DNAJC3: variants seen among roughly 807,000 people sequenced by gnomAD.
DNAJC3 encodes the protein DnaJ heat shock protein family (Hsp40) member C3.
A neutral mutation model predicts 68.6 loss-of-function variants in DNAJC3; 38 were observed. The ratio of observed to expected loss-of-function variants is 0.55; its 90% CI spans 0.43 to 0.73. The LOEUF is 0.73. Among genes scored for constraint, DNAJC3 ranks in the 30% least tolerant of loss-of-function variants. DNAJC3 has a pLI of 0.00. For synonymous variants in DNAJC3, 203 were observed against 204.0 expected (o/e 1.00, Z 0.04); for missense variants, 526 against 591.9 (o/e 0.89, Z 1.16).
chr13:95,786,885 G>T, intron 10 of DNAJC3, 122 bp from the exon 11 acceptor site: 4 of 1,164,030 alleles, frequency 3.4e-6, no homozygotes, highest in Non-Finnish European at 3.6e-6. Flanking sequence ...TGATACCATT[G>T]GAACTATTTT....
At chr13:95,740,024 T>G (rs1217475127) in intron 4 of DNAJC3, among the ~76,000 whole-genome samples, 1 of 152,166 alleles carries the variant, frequency 6.6e-6, no homozygotes. Flanking sequence ...TAGTTTTCCT[T>G]CTAACAGAGA....
intron 1 of DNAJC3, chr13:95,695,853 C>G (rs1880424808): frequency 6.6e-6 from 1 of 152,206 alleles, no homozygotes; most frequent in Non-Finnish European, 1.5e-5. Context: ...ACACCCAAAG[C>G]TGAAGTTGTA....
At position 95,725,191 on chromosome 13, in the gene DNAJC3, G is replaced by A; in HGVS notation, c.332G>A (p.Arg111Lys). ...CTTTTTTTCTAGGCAAGATTACAGA[G>A]AGGTCACTTATTACTCAAACAAGGA... ...KMDFTAARLQ[R>K]GHLLLKQGKL... is the part of the protein sequence containing the mutation. Residue 111 changes from arginine (R) to lysine (K), a missense_variant, in exon 4 of 12, where the codon AGA (arginine) becomes AAA (lysine). Transcript: ENST00000602402. The A allele has an allele frequency of 1.9e-6, 3 of 1,584,532 alleles. No homozygotes were observed. The highest frequency in any genetic ancestry group is 2.6e-6 in the Non-Finnish European group (3 of 1,168,424).
intron 1 of DNAJC3, among the ~76,000 whole-genome samples, chr13:95,698,871 C>T (rs574468473): frequency 6.6e-6 from 1 of 152,306 alleles, no homozygotes; most frequent in East Asian, 1.9e-4. Flanking sequence ...GATGATAAGG[C>T]TGGACCCACG....
Position 95,683,529 on chromosome 13 carries a change from C to T in DNAJC3, c.82+6192C>T, listed in dbSNP as rs563218886. Among the ~76,000 whole-genome samples the T allele has an allele frequency of 1.2e-4, 18 of 152,208 alleles. No homozygotes were observed. The South Asian group carries it at 1.2e-3, about 11-fold the overall frequency. ...GCCATGTGAAGATGTGCCTACTTCT[C>T]CTTTACCTTTTGCCATGATTGTAAA... On this transcript the variant is annotated intron_variant, in intron 1 of 11. Transcript: ENST00000602402.
intron 9 of DNAJC3, among the ~76,000 whole-genome samples, chr13:95,780,830 G>A (rs761544674): frequency 6.6e-6 from 1 of 152,208 alleles, no homozygotes; most frequent in Non-Finnish European, 1.5e-5. Context: ...AATGATTCAG[G>A]TGAATGGTGG....
At chr13:95,751,308 T>A (rs528915077) in intron 4 of DNAJC3, among the ~76,000 whole-genome samples, 5 of 152,356 alleles carry the variant, frequency 3.3e-5, no homozygotes, top group African/African-American at 1.2e-4. Context: ...GTCCTAAACA[T>A]GTATGTGCAA....
chr13:95,718,436 G>A (rs1343385910), intron 2 of DNAJC3, among the ~76,000 whole-genome samples: 6 of 152,190 alleles, frequency 3.9e-5, no homozygotes, highest in African/African-American at 1.4e-4. Context: ...GAGTCTCGCA[G>A]TGTCACCCAT....
At chr13:95,697,518 C>G (rs755643251) in intron 1 of DNAJC3, among the ~76,000 whole-genome samples, 10 of 152,148 alleles carry the variant, frequency 6.6e-5, no homozygotes, top group Non-Finnish European at 1.3e-4. Flanking sequence ...TAGTATCTTC[C>G]AGGTGCCCTG....
At chr13:95,699,183 C>A (rs947803260) in intron 1 of DNAJC3, among the ~76,000 whole-genome samples, 2 of 152,158 alleles carry the variant, frequency 1.3e-5, no homozygotes, top group Admixed American at 1.3e-4. Flanking sequence ...ATAATTAATT[C>A]TCTCTGGATG....
intron 3 of DNAJC3, 134 bp from the exon 4 acceptor site, chr13:95,725,044 G>C (rs750314364): frequency 1.3e-4 from 65 of 496,186 alleles, no homozygotes; most frequent in Non-Finnish European, 1.9e-4. Context: ...AATTATTCTT[G>C]GTGTCAAGTC....
chr13:95,698,423 TCTAGCTTGC>T (rs1373540170), intron 1 of DNAJC3, among the ~76,000 whole-genome samples: 1 of 152,210 alleles, frequency 6.6e-6, no homozygotes, highest in African/African-American at 2.4e-5. Flanking sequence ...AGCTGGATCG[TCTAGCTTGC>T]CCACGAATAC....
chr13:95,686,967 G>A (rs1880089559), intron 1 of DNAJC3, among the ~76,000 whole-genome samples: 1 of 152,142 alleles, frequency 6.6e-6, no homozygotes, highest in Non-Finnish European at 1.5e-5. Flanking sequence ...ATTACTATGG[G>A]CAGTATGGTT....
intron 11 of DNAJC3, among the ~76,000 whole-genome samples, chr13:95,790,487 A>C (rs1387222298): frequency 6.6e-6 from 1 of 152,084 alleles, no homozygotes; most frequent in Non-Finnish European, 1.5e-5. Context: ...TACAGACTTT[A>C]TTTTGGGGAT....
intron 1 of DNAJC3, among the ~76,000 whole-genome samples, chr13:95,690,929 C>A (rs1287734268): frequency 1.6e-5 from 2 of 128,392 alleles, no homozygotes; most frequent in East Asian, 2.4e-4. Context: ...TGACCCCCCC[C>A]ACCTCCCTCC....
intron 4 of DNAJC3, among the ~76,000 whole-genome samples, chr13:95,748,055 C>G (rs1882358037): frequency 6.6e-6 from 1 of 152,130 alleles, no homozygotes; most frequent in African/African-American, 2.4e-5. Context: ...AACATACTTT[C>G]CTAAGTGCAG....
At chr13:95,733,907 A>T (rs1478403679) in intron 4 of DNAJC3, among the ~76,000 whole-genome samples, 2 of 152,052 alleles carry the variant, frequency 1.3e-5, no homozygotes, top group African/African-American at 2.4e-5. Flanking sequence ...TTAAAAATCC[A>T]TTCAGTCAGT....
At chr13:95,706,535 A>G (rs1880754657) in intron 1 of DNAJC3, among the ~76,000 whole-genome samples, 1 of 152,176 alleles carries the variant, frequency 6.6e-6, no homozygotes, top group African/African-American at 2.4e-5. Context: ...GAGCCTGTCA[A>G]AATTTGACAT....
At chr13:95,679,669 T>C (rs1463943451) in intron 1 of DNAJC3, among the ~76,000 whole-genome samples, 5 of 152,194 alleles carry the variant, frequency 3.3e-5, no homozygotes, top group African/African-American at 1.2e-4. Flanking sequence ...AGGTAGGTTT[T>C]AGCTGCTCTT....
Sources: allele counts gnomAD v4.1 joint callset (sites outside exome capture counted in the v4.1 genomes callset), GRCh38; gene constraint gnomAD v4.1.1; transcripts MANE v1.5; gene names NCBI Gene and HGNC (gene_info 2026-07-23, HGNC 2026-07-21).